CASP9: variants seen among roughly 807,000 people sequenced by gnomAD.
The protein encoded by CASP9 is caspase-9.
A neutral mutation model predicts 43.5 loss-of-function variants in CASP9; 29 were observed. The ratio of observed to expected loss-of-function variants is 0.67; its 90% CI spans 0.50 to 0.91. The LOEUF (loss-of-function observed/expected upper bound fraction) is 0.91. CASP9 is among the 40% of genes least tolerant of loss of function. CASP9 has a pLI of 0.00. For missense variants in CASP9, 575 were observed against 537.4 expected (o/e 1.07, Z -0.69); for synonymous variants, 206 against 211.9 (o/e 0.97, Z 0.24).
chr1:15,508,877 T>G (rs182948423), intron 2 of CASP9, among the ~76,000 whole-genome samples: 1 of 152,050 alleles, frequency 6.6e-6, no homozygotes, highest in Non-Finnish European at 1.5e-5. Flanking sequence ...TCTTCCCTTT[T>G]GTTACCACAA....
upstream of CASP9, chr1:15,524,302 C>G (rs1477459257): frequency 1.4e-6 from 2 of 1,458,288 alleles, no homozygotes; most frequent in East Asian, 5.6e-5. Flanking sequence ...GGCCTGCCCC[C>G]GCGTCACGGC....
intron 6 of CASP9, 97 bp from the exon 7 acceptor site, chr1:15,495,549 G>T: frequency 1.9e-6 from 2 of 1,060,454 alleles, no homozygotes; most frequent in Non-Finnish European, 2.6e-6. Context: ...CATTAACAGT[G>T]TGAAAGGAAA....
intron 7 of CASP9, among the ~76,000 whole-genome samples, chr1:15,494,462 G>A (rs1428696420): frequency 6.6e-6 from 1 of 151,898 alleles, no homozygotes; most frequent in African/African-American, 2.4e-5. Flanking sequence ...CTACTTAGGA[G>A]GCTAAGGCAG....
chr1:15,497,582 G>C (rs1193782703), intron 6 of CASP9, among the ~76,000 whole-genome samples: 1 of 151,558 alleles, frequency 6.6e-6, no homozygotes, highest in African/African-American at 2.4e-5. Flanking sequence ...GTCAGAGGTT[G>C]CAGTGAGCCG....
upstream of CASP9, chr1:15,524,434 C>T (rs1330039603): frequency 1.6e-6 from 2 of 1,251,144 alleles, no homozygotes; most frequent in Non-Finnish European, 2.0e-6. Flanking sequence ...CTCGCCCCGC[C>T]CCCAGGGCCA....
chr1:15,508,129 G>A, intron 2 of CASP9, among the ~76,000 whole-genome samples: 1 of 152,218 alleles, frequency 6.6e-6, no homozygotes, highest in Non-Finnish European at 1.5e-5. Flanking sequence ...ATATATCAAA[G>A]AGCAAGGAGT....
chr1:15,521,364 C>T (rs1710192006), intron 1 of CASP9, among the ~76,000 whole-genome samples: 1 of 151,980 alleles, frequency 6.6e-6, no homozygotes, highest in Non-Finnish European at 1.5e-5. Flanking sequence ...GGATATTATC[C>T]ATGCCTGCCC....
At position 15,518,545 on chromosome 1, in the gene CASP9, C is replaced by G. The variant is rs1570871797; in HGVS notation, c.133-150G>C. 5 of 779,322 alleles carry G rather than the reference C, an allele frequency of 6.4e-6. No individual in the cohort carries two copies. In the East Asian group the frequency reaches 1.1e-4, roughly 17 times the overall value. The allele number at this position is 779,322 out of a possible 1,614,324, so 48.3% of individuals were successfully genotyped here. A position where few individuals can be genotyped will look rare whatever the true frequency, so the allele number is the denominator to read the frequency against. The stretch of plus-strand genomic sequence containing the variant: ...AGGTGCACTGTGTGCCATTTACCAG[C>G]CTTTGCTGATCTGTTCATTATTTTG... On this transcript the variant is annotated intron_variant, in intron 1 of 8. Transcript: ENST00000333868.
chr1:15,506,288 A>C (rs1237674446), intron 4 of CASP9, among the ~76,000 whole-genome samples: 2 of 99,222 alleles, frequency 2.0e-5, no homozygotes, highest in East Asian at 6.7e-4. Context: ...GTCTCTACTA[A>C]AAATACAAAA....
At chr1:15,504,913 G>A (rs557323494) in intron 5 of CASP9, among the ~76,000 whole-genome samples, 155 bp from the exon 6 acceptor site, 2 of 152,326 alleles carry the variant, frequency 1.3e-5, no homozygotes, top group Non-Finnish European at 2.9e-5. Context: ...GAAAGACCCT[G>A]GTCAGCATCT....
At chr1:15,508,004 G>A (rs1709590795) in intron 2 of CASP9, 97 bp from the exon 3 acceptor site, 10 of 1,222,858 alleles carry the variant, frequency 8.2e-6, no homozygotes, top group South Asian at 2.5e-5. Flanking sequence ...ACGGAGCAGC[G>A]AGAACTCAGA....
At chr1:15,517,991 C>T in intron 2 of CASP9, 119 bp downstream of exon 2, 2 of 1,235,530 alleles carry the variant, frequency 1.6e-6, no homozygotes, top group South Asian at 2.8e-5. Context: ...TCCCTATGAA[C>T]ATTCAGAAAG....
Position 15,492,359 on chromosome 1 carries a change from A to C in CASP9, c.*584T>G, listed in dbSNP as rs2103319890. The C allele has an allele frequency of 6.6e-6, 1 of 152,394 alleles. No homozygotes were observed. Among genetic ancestry groups the C allele is most frequent in the South Asian group, 2.1e-4 (1 of 4,834 alleles). The allele number at this position is 152,394 out of a possible 1,614,324, so 9.4% of individuals were successfully genotyped here. On this transcript the variant is annotated 3_prime_UTR_variant, in exon 9 of 9. Coordinates refer to ENST00000333868, the MANE Select transcript of CASP9 (RefSeq NM_001229.5). ...TTTTAAAATTTCACTTAGAATTCAT[A>C]GATTACAGCTGTTCAGACTCTAGTA...
intron 8 of CASP9, chr1:15,493,437 A>C: frequency 8.0e-7 from 1 of 1,247,768 alleles, no homozygotes; most frequent in South Asian, 2.3e-5. Context: ...TGGGCCTATC[A>C]GGCCACCCTT....
At chr1:15,524,673 C>T, upstream of CASP9, 1 of 1,053,098 alleles carries the variant, frequency 9.5e-7, no homozygotes, top group Non-Finnish European at 1.1e-6. Flanking sequence ...GCTCTTGCGT[C>T]ACCGCCTCGC....
intron 8 of CASP9, chr1:15,493,658 A>G: frequency 6.2e-6 from 9 of 1,446,532 alleles, no homozygotes; most frequent in Non-Finnish European, 7.2e-6. Flanking sequence ...CAACCTGGGG[A>G]CCTTGGAGGA....
intron 6 of CASP9, among the ~76,000 whole-genome samples, chr1:15,502,094 G>A (rs755332908): frequency 4.6e-5 from 7 of 152,176 alleles, no homozygotes; most frequent in African/African-American, 1.7e-4. Context: ...CACATGAGAC[G>A]CAACCAGACT....
At chr1:15,524,380 T>G (rs1261805817), upstream of CASP9, 2 of 1,340,636 alleles carry the variant, frequency 1.5e-6, no homozygotes, top group African/African-American at 1.8e-5. Flanking sequence ...CCCCCAGGAG[T>G]CGCTCTTGCG....
intron 8 of CASP9, 131 bp from the exon 9 acceptor site, chr1:15,493,166 C>T: frequency 1.3e-6 from 2 of 1,501,160 alleles, no homozygotes; most frequent in African/African-American, 2.8e-5. Flanking sequence ...CCTCTTTGAG[C>T]AGGAGGGCTT....
Sources: gnomAD v4.1 joint callset for allele counts (sites outside exome capture counted in the v4.1 genomes callset) on GRCh38, gnomAD v4.1.1 for gene constraint, MANE v1.5 for transcripts, NCBI Gene and HGNC (gene_info 2026-07-23, HGNC 2026-07-21) for gene names.